TBC1D4: variants seen among roughly 807,000 people sequenced by gnomAD.
The protein encoded by TBC1D4 is TBC (Tre-2, BUB2, CDC16) domain-containing protein.
A neutral mutation model predicts 142.5 loss-of-function variants in TBC1D4; 121 were observed. The ratio of observed to expected loss-of-function variants is 0.85; its 90% CI spans 0.73 to 0.99. TBC1D4 has a LOEUF of 0.99. Among genes scored for constraint, TBC1D4 ranks in the 50% least tolerant of loss-of-function variants. The probability of loss-of-function intolerance (pLI) is 0.00; values close to 1 mark genes in which losing one functional copy is unlikely to be tolerated. For missense variants in TBC1D4, 1,475 were observed against 1,606.6 expected (o/e 0.92, Z 1.40); for synonymous variants, 630 against 628.2 (o/e 1.00, Z -0.04).
chr13:75,293,252 A>C lies in TBC1D4; in HGVS notation c.3317-981T>G, dbSNP rs533695937. On this transcript the variant is annotated intron_variant, in intron 18 of 20. Coordinates refer to ENST00000377636, the MANE Select transcript of TBC1D4 (RefSeq NM_014832.5). ...TGTCATTCTTTAATCAATAATATACAACAGGGAGTCTTTAATGAAGAGGGA... is the reference window on the plus strand; with the variant it reads ...TGTCATTCTTTAATCAATAATATACCACAGGGAGTCTTTAATGAAGAGGGA... 2.0e-5 allele frequency among the ~76,000 whole-genome samples: 3 copies of C among 152,342 alleles called. No homozygotes were observed. In the South Asian group the frequency reaches 6.2e-4, roughly 32 times the overall value.
intron 1 of TBC1D4, among the ~76,000 whole-genome samples, chr13:75,399,440 T>C (rs1181584554): frequency 6.6e-6 from 1 of 152,132 alleles, no homozygotes; most frequent in Non-Finnish European, 1.5e-5. Context: ...CATCCCCATA[T>C]TCCTGTTTTA....
intron 1 of TBC1D4, among the ~76,000 whole-genome samples, chr13:75,422,184 A>G (rs936624750): frequency 2.0e-5 from 3 of 152,188 alleles, no homozygotes; most frequent in African/African-American, 7.2e-5. Context: ...CAAAATACTG[A>G]GCAAAGATGA....
At chr13:75,294,471 G>A (rs370444697) in intron 18 of TBC1D4, among the ~76,000 whole-genome samples, 4 of 152,306 alleles carry the variant, frequency 2.6e-5, no homozygotes, top group East Asian at 1.9e-4. Context: ...ATTTCTCTGT[G>A]TTTTGAATGC....
chr13:75,467,739 C>A (rs2138310644), intron 1 of TBC1D4, among the ~76,000 whole-genome samples: 1 of 152,320 alleles, frequency 6.6e-6, no homozygotes, highest in East Asian at 1.9e-4. Flanking sequence ...TGCAGTCTTA[C>A]TTGCCATCTT....
intron 1 of TBC1D4, among the ~76,000 whole-genome samples, chr13:75,421,797 A>G (rs1465394751): frequency 6.6e-6 from 1 of 152,224 alleles, no homozygotes; most frequent in Admixed American, 6.5e-5. Flanking sequence ...AGACAATCAT[A>G]TTCCAAATCT....
chr13:75,382,920 A>G (rs1353114009), intron 1 of TBC1D4, among the ~76,000 whole-genome samples: 1 of 152,248 alleles, frequency 6.6e-6, no homozygotes, highest in Non-Finnish European at 1.5e-5. Context: ...TCTGTTTACT[A>G]GAAAGTTTAC....
rs755146398 is a variant in TBC1D4 at position 75,292,235 on chromosome 13, T to C, written c.3353A>G (p.Lys1118Arg). ...GCTGCTCAGTAGGCTGAGTGCAACCTTGAATATAACTTCAGTTCCCTGAAG... is the reference window on the plus strand; with the variant it reads ...GCTGCTCAGTAGGCTGAGTGCAACCCTGAATATAACTTCAGTTCCCTGAAG... ...IFLQGTEVIF[K>R]VALSLLSSQE... is the part of the protein sequence containing the mutation. The change falls in exon 19 of 21, where the codon AAG becomes AGG. Residue 1118 changes from lysine to arginine, a missense_variant. By Grantham distance (26) the Lys-to-Arg change is conservative (BLOSUM62 2). Around this residue, in one of 2 missense-constraint regions of TBC1D4, gnomAD observed 248 missense variants for 338.9 expected, o/e 0.73. Coordinates refer to ENST00000377636, the MANE Select transcript of TBC1D4 (RefSeq NM_014832.5). 3 of 1,613,054 alleles carry C rather than the reference T, an allele frequency of 1.9e-6. No individual in the cohort carries two copies. Among genetic ancestry groups the C allele is most frequent in the African/African-American group, 2.7e-5 (2 of 74,890 alleles).
intron 1 of TBC1D4, chr13:75,377,299 C>A (rs1262700688): frequency 6.6e-6 from 1 of 152,160 alleles, no homozygotes; most frequent in Non-Finnish European, 1.5e-5. Context: ...ACAGCTAGGG[C>A]CATCTGCTAC....
intron 8 of TBC1D4, among the ~76,000 whole-genome samples, chr13:75,328,116 G>A (rs941728886): frequency 6.6e-6 from 1 of 152,064 alleles, no homozygotes; most frequent in Non-Finnish European, 1.5e-5. Flanking sequence ...AGTTCAGTGA[G>A]GGCCCCAATT....
chr13:75,413,445 C>A (rs1208446718), intron 1 of TBC1D4, among the ~76,000 whole-genome samples: 2 of 152,290 alleles, frequency 1.3e-5, no homozygotes, highest in East Asian at 1.9e-4. Context: ...CAGGCGTGAG[C>A]CACCGCACCC....
At chr13:75,451,082 T>G (rs1038223138) in intron 1 of TBC1D4, among the ~76,000 whole-genome samples, 2 of 152,190 alleles carry the variant, frequency 1.3e-5, no homozygotes, top group Non-Finnish European at 2.9e-5. Flanking sequence ...AATTGATCTA[T>G]TACCATTTCT....
intron 4 of TBC1D4, among the ~76,000 whole-genome samples, chr13:75,355,922 C>T (rs1177274171): frequency 6.6e-6 from 1 of 152,206 alleles, no homozygotes; most frequent in Non-Finnish European, 1.5e-5. Context: ...GTTTCCATGA[C>T]TGGGTTTATT....
At chr13:75,356,294 T>G in intron 3 of TBC1D4, 43 bp from the exon 4 acceptor site, 1 of 1,360,660 alleles carries the variant, frequency 7.3e-7, no homozygotes, top group Non-Finnish European at 1.0e-6. Context: ...TATGGGAATA[T>G]ATATTTTTTA....
intron 1 of TBC1D4, among the ~76,000 whole-genome samples, chr13:75,390,277 C>CAAAAA (rs36168056): frequency 0.054 from 6,038 of 111,988 alleles, 342 homozygotes; most frequent in East Asian, 0.096. Flanking sequence ...GAGACTCCGT[C>CAAAAA]AAAAAAAAAA....
intron 1 of TBC1D4, among the ~76,000 whole-genome samples, chr13:75,464,279 C>A (rs905287927): frequency 6.6e-6 from 1 of 152,310 alleles, no homozygotes; most frequent in Admixed American, 6.5e-5. Flanking sequence ...GGCCATGACG[C>A]CCACGCTGAA....
chr13:75,481,144 C>T, intron 1 of TBC1D4, 126 bp downstream of exon 1: 1 of 1,394,494 alleles, frequency 7.2e-7, no homozygotes, highest in Non-Finnish European at 9.5e-7. Context: ...GAGCGCGCCA[C>T]GTGGAGCGCG....
chr13:75,447,126 G>A (rs996240572), intron 1 of TBC1D4, among the ~76,000 whole-genome samples: 5 of 152,114 alleles, frequency 3.3e-5, no homozygotes, highest in East Asian at 1.9e-4. Flanking sequence ...ACTTTTAGTC[G>A]GTGGACTTGA....
chr13:75,377,441 A>G (rs1883578574), intron 1 of TBC1D4: 2 of 152,072 alleles, frequency 1.3e-5, no homozygotes, highest in Non-Finnish European at 2.9e-5. Context: ...TGTCTCAGAA[A>G]TTTTCTTTAA....
At chr13:75,349,531 G>A (rs762922265) in intron 4 of TBC1D4, among the ~76,000 whole-genome samples, 10 of 152,122 alleles carry the variant, frequency 6.6e-5, no homozygotes, top group Non-Finnish European at 8.8e-5. Flanking sequence ...ATATAATACC[G>A]CTCTGTTAAT....
Sources: gnomAD v4.1 joint callset for allele counts (sites outside exome capture counted in the v4.1 genomes callset) on GRCh38, gnomAD v4.1.1 for gene constraint, gnomAD v4.1.1 regional missense constraint, MANE v1.5 for transcripts, NCBI Gene and HGNC (gene_info 2026-07-23, HGNC 2026-07-21) for gene names.